LUZP2: variants seen among roughly 807,000 people sequenced by gnomAD.
LUZP2 encodes the protein leucine zipper protein 2.
In LUZP2, 52 loss-of-function variants were observed where a neutral mutation model predicts 51.6. The ratio of observed to expected loss-of-function variants is 1.01; its 90% confidence interval spans 0.81 to 1.27. The LOEUF is 1.27. Among genes scored for constraint, LUZP2 ranks in the 50% most tolerant of loss-of-function variants. The pLI, the probability that LUZP2 is intolerant of heterozygous loss-of-function variation, is 0.00. For missense variants in LUZP2, 436 were observed against 395.4 expected (o/e 1.10, Z -0.87); for synonymous variants, 154 against 137.3 (o/e 1.12, Z -0.85).
At chr11:24,522,876 T>A (rs1850687262) in intron 1 of LUZP2, among the ~76,000 whole-genome samples, 1 of 152,114 alleles carries the variant, frequency 6.6e-6, no homozygotes, top group Admixed American at 6.6e-5. Flanking sequence ...AAATGTTTAA[T>A]CTTCCTACTT....
At chr11:24,858,099 G>A (rs1173883868) in intron 5 of LUZP2, among the ~76,000 whole-genome samples, 1 of 152,008 alleles carries the variant, frequency 6.6e-6, no homozygotes, top group Admixed American at 6.5e-5. Context: ...TGTCCCCAGG[G>A]GGGAAGGAAA....
intron 1 of LUZP2, among the ~76,000 whole-genome samples, chr11:24,566,832 TATATATAAGGTATATATAC>T (rs1418640037): frequency 6.9e-6 from 1 of 145,886 alleles, no homozygotes; most frequent in Admixed American, 7.0e-5. Context: ...TATACATATT[TATATATAAGGTATATATAC>T]ATATATAATG....
intron 10 of LUZP2, among the ~76,000 whole-genome samples, chr11:25,066,181 A>T (rs1180388791): frequency 6.6e-6 from 1 of 150,762 alleles, no homozygotes; most frequent in Non-Finnish European, 1.5e-5. Context: ...TGACTGAAAA[A>T]ATCTCCCAAC....
chr11:25,027,321 A>G (rs1434856746), intron 9 of LUZP2, among the ~76,000 whole-genome samples: 3 of 152,110 alleles, frequency 2.0e-5, no homozygotes, highest in Non-Finnish European at 4.4e-5. Flanking sequence ...TCTATTTCTC[A>G]TGATTAATTT....
At position 25,048,984 on chromosome 11, in the gene LUZP2, A is replaced by G. The variant is rs193200454; in HGVS notation, c.766-1054A>G. ...TGTTCTTTTTTACATTTAATATTCTATCAGCTTTATTAACTATTCTTGGAG... is the reference window on the plus strand; with the variant it reads ...TGTTCTTTTTTACATTTAATATTCTGTCAGCTTTATTAACTATTCTTGGAG... On this transcript the variant is annotated intron_variant, in intron 9 of 11. Transcript: ENST00000336930. Among the ~76,000 whole-genome samples, 243 of 152,084 alleles carry G rather than the reference A, an allele frequency of 1.6e-3. 4 individuals carry two copies. In the East Asian group the frequency reaches 0.037, roughly 23 times the overall value.
chr11:24,819,182 C>G (rs1275173073), intron 5 of LUZP2, among the ~76,000 whole-genome samples: 1 of 152,004 alleles, frequency 6.6e-6, no homozygotes, highest in African/African-American at 2.4e-5. Context: ...AGAAAGTCGT[C>G]TAGCACAGCG....
intron 10 of LUZP2, among the ~76,000 whole-genome samples, chr11:25,076,227 T>A (rs1177848861): frequency 2.0e-5 from 3 of 151,990 alleles, no homozygotes; most frequent in African/African-American, 7.3e-5. Flanking sequence ...TTTGTTTTTG[T>A]AAAGAGAATG....
Position 24,535,970 on chromosome 11 carries a change from G to C in LUZP2, c.62+38665G>C, listed in dbSNP as rs147337528. ...TTGATCCCTGGGCTATAGGATGAACGTTGTGTTAGCAGACATAAAAGCAAC... is the reference window on the plus strand; with the variant it reads ...TTGATCCCTGGGCTATAGGATGAACCTTGTGTTAGCAGACATAAAAGCAAC... On this transcript the variant is annotated intron_variant, in intron 1 of 11. Transcript: ENST00000336930. Among the ~76,000 whole-genome samples, 69 of 151,790 alleles carry C rather than the reference G, an allele frequency of 4.5e-4. 1 individual carries two copies. The highest frequency in any genetic ancestry group is 1.7e-3 in the African/African-American group (69 of 41,472).
chr11:25,024,164 G>C (rs1163939029), intron 9 of LUZP2, among the ~76,000 whole-genome samples: 1 of 152,094 alleles, frequency 6.6e-6, no homozygotes, highest in Non-Finnish European at 1.5e-5. Flanking sequence ...TTGGTGCAGA[G>C]CTGAGTTCAA....
intron 7 of LUZP2, among the ~76,000 whole-genome samples, chr11:24,960,568 T>G (rs2133878259): frequency 6.6e-6 from 1 of 152,286 alleles, no homozygotes; most frequent in East Asian, 1.9e-4. Flanking sequence ...TAGTAGTTTG[T>G]ATTTCTGTGG....
intron 4 of LUZP2, among the ~76,000 whole-genome samples, chr11:24,741,927 TATTATATATA>T (rs1196853420): frequency 1.0e-4 from 2 of 19,144 alleles, no homozygotes; most frequent in Non-Finnish European, 3.2e-4. Context: ...TACATTTATA[TATTATATATA>T]AATATATACA....
At chr11:24,731,859 G>T (rs1399829376) in intron 2 of LUZP2, among the ~76,000 whole-genome samples, 1 of 151,718 alleles carries the variant, frequency 6.6e-6, no homozygotes, top group African/African-American at 2.4e-5. Context: ...CTTTTAAAGA[G>T]ACCTAGATAT....
intron 4 of LUZP2, among the ~76,000 whole-genome samples, chr11:24,760,604 T>A (rs1428946178): frequency 6.6e-6 from 1 of 152,184 alleles, no homozygotes; most frequent in Non-Finnish European, 1.5e-5. Context: ...AAGTGTTTGG[T>A]TTGGGTTTTC....
At chr11:25,066,127 TACA>T (rs1413137672) in intron 10 of LUZP2, among the ~76,000 whole-genome samples, 1 of 151,678 alleles carries the variant, frequency 6.6e-6, no homozygotes, top group Non-Finnish European at 1.5e-5. Flanking sequence ...CAGAGTGTTA[TACA>T]ACATTTTGTC....
At chr11:24,667,499 T>C (rs1000856181) in intron 1 of LUZP2, among the ~76,000 whole-genome samples, 3 of 152,144 alleles carry the variant, frequency 2.0e-5, no homozygotes, top group Non-Finnish European at 2.9e-5. Context: ...TTCTTAAATG[T>C]ATAGATTTAA....
At chr11:25,016,498 G>A (rs989744683) in intron 9 of LUZP2, among the ~76,000 whole-genome samples, 2 of 151,636 alleles carry the variant, frequency 1.3e-5, no homozygotes, top group Non-Finnish European at 2.9e-5. Context: ...TCTTTTTAAG[G>A]CTGCATAGTA....
intron 1 of LUZP2, among the ~76,000 whole-genome samples, chr11:24,638,873 A>C (rs1430530855): frequency 2.0e-5 from 3 of 151,724 alleles, no homozygotes; most frequent in Non-Finnish European, 4.4e-5. Flanking sequence ...TTAACAAAGA[A>C]AAGACAATTA....
intron 3 of LUZP2, among the ~76,000 whole-genome samples, chr11:24,736,495 CCT>C (rs1858944482): frequency 6.6e-6 from 1 of 150,788 alleles, no homozygotes; most frequent in African/African-American, 2.4e-5. Context: ...TTCCTTCCTT[CCT>C]TCCTTCCTTC....
chr11:24,896,430 C>A (rs944976000), intron 5 of LUZP2, among the ~76,000 whole-genome samples: 10 of 152,172 alleles, frequency 6.6e-5, no homozygotes, highest in African/African-American at 2.2e-4. Flanking sequence ...GGGCTTAGCA[C>A]CTGGGCCAGC....
Sources: gnomAD v4.1 joint callset for allele counts (sites outside exome capture counted in the v4.1 genomes callset) on GRCh38, gnomAD v4.1.1 for gene constraint, MANE v1.5 for transcripts, NCBI Gene and HGNC (gene_info 2026-07-23, HGNC 2026-07-21) for gene names.